SPATA22: variants seen among roughly 807,000 people sequenced by gnomAD.
SPATA22 encodes the protein spermatogenesis associated 22, also known as spermatogenesis-associated protein 22.
SPATA22 carries 29 observed loss-of-function variants against 47.8 expected under a neutral mutation model. The observed-to-expected ratio is 0.61, with a 90% CI of 0.45 to 0.83. SPATA22 has a LOEUF of 0.83. Among genes scored for constraint, SPATA22 ranks in the 40% least tolerant of loss-of-function variants. The pLI, the probability that SPATA22 is intolerant of heterozygous loss-of-function variation, is 0.00. For synonymous variants in SPATA22, 133 were observed against 140.9 expected (o/e 0.94, Z 0.40); for missense variants, 410 against 421.7 (o/e 0.97, Z 0.24).
intron 3 of SPATA22, among the ~76,000 whole-genome samples, chr17:3,464,214 G>A (rs1473154298): frequency 5.9e-5 from 9 of 151,968 alleles, no homozygotes; most frequent in South Asian, 4.2e-4. Flanking sequence ...GCTCCTAACC[G>A]CGAGTGATCC....
chr17:3,442,830 T>C (rs1355781121), intron 8 of SPATA22, among the ~76,000 whole-genome samples: 1 of 151,894 alleles, frequency 6.6e-6, no homozygotes, highest in Non-Finnish European at 1.5e-5. Flanking sequence ...ATCTGCCCCT[T>C]CCTTCTTACC....
At chr17:3,470,553 T>C (rs1555537353) in intron 1 of SPATA22, among the ~76,000 whole-genome samples, 1 of 150,492 alleles carries the variant, frequency 6.6e-6, no homozygotes, top group Non-Finnish European at 1.5e-5. Flanking sequence ...ATCAAGACCA[T>C]CCTGGCTAAC....
intron 4 of SPATA22, 27 bp from the exon 5 acceptor site, chr17:3,462,605 T>C: frequency 6.2e-7 from 1 of 1,600,482 alleles, no homozygotes. Context: ...TCTTGTTAAA[T>C]ATTAATAGTT....
intron 1 of SPATA22, among the ~76,000 whole-genome samples, chr17:3,484,827 T>C (rs918525453): frequency 2.0e-5 from 3 of 152,112 alleles, no homozygotes; most frequent in African/African-American, 7.2e-5. Context: ...AAAAGGAATA[T>C]CATATACAAG....
At chr17:3,499,167 C>T in intron 1 of SPATA22, 1 of 1,471,228 alleles carries the variant, frequency 6.8e-7, no homozygotes. Context: ...TAGGGTTGTG[C>T]CTTATTCAAC....
Position 3,471,797 on chromosome 17 carries a change from C to A in SPATA22, c.-189G>T, listed in dbSNP as rs2073444007. 2 of 985,448 alleles carry A rather than the reference C, an allele frequency of 2.0e-6. No homozygotes were observed. The highest frequency in any genetic ancestry group is 1.7e-5 in the African/African-American group (1 of 57,264). 61.0% of individuals were successfully genotyped at this position (985,448 alleles called of 1,614,324 possible). On this transcript the variant is annotated 5_prime_UTR_variant, in exon 1 of 9. Transcript: ENST00000572969. ...CCGTCAGCAACCGCCGCCCTTCCCG[C>A]CCGCGAAGAAAGCGCGGGAATCAGG...
intron 5 of SPATA22, among the ~76,000 whole-genome samples, chr17:3,458,855 CAAAAAAAAAAAA>C (rs545223532): frequency 2.6e-5 from 1 of 38,344 alleles, no homozygotes; most frequent in Non-Finnish European, 4.5e-5. Context: ...CGAAACTTCA[CAAAAAAAAAAAA>C]AAAAAAAAAA....
chr17:3,480,005 A>C (rs1320414529), intron 1 of SPATA22, among the ~76,000 whole-genome samples: 1 of 151,458 alleles, frequency 6.6e-6, no homozygotes, highest in African/African-American at 2.4e-5. Flanking sequence ...AAAAAAATAC[A>C]TATATCTGTA....
chr17:3,489,836 C>T (rs1311055318), intron 1 of SPATA22, among the ~76,000 whole-genome samples: 1 of 152,200 alleles, frequency 6.6e-6, no homozygotes, highest in Non-Finnish European at 1.5e-5. Context: ...ACACACCAAT[C>T]TTATTACCCA....
At position 3,470,093 on chromosome 17, in the gene SPATA22, C is replaced by CAAAA. The variant is rs57432043; in HGVS notation, c.-73-699_-73-696dup. On this transcript the variant is annotated intron_variant, in intron 1 of 8. Coordinates refer to ENST00000572969, the MANE Select transcript of SPATA22 (RefSeq NM_001170698.2). The stretch of plus-strand genomic sequence containing the variant: ...GGGCAACAAGACCCAGACTCCATCT[C>CAAAA]AAAAAAAAAAAAAAAAAAAAAAGAC... Among the ~76,000 whole-genome samples, 200 of 54,286 alleles carry CAAAA rather than the reference C, an allele frequency of 3.7e-3. 27 individuals are homozygous for CAAAA. Among genetic ancestry groups the CAAAA allele is most frequent in the East Asian group, 9.2e-3 (15 of 1,626 alleles). The allele number at this position is 54,286 out of a possible 152,430, so 35.6% of individuals were successfully genotyped here.
intron 1 of SPATA22, chr17:3,498,755 G>C (rs145748935): frequency 1.2e-6 from 1 of 827,700 alleles, no homozygotes; most frequent in Non-Finnish European, 1.8e-6. Context: ...TCACTTGCCT[G>C]CATCTCAATG....
chr17:3,497,828 T>A (rs1196031589), intron 1 of SPATA22, among the ~76,000 whole-genome samples: 1 of 152,178 alleles, frequency 6.6e-6, no homozygotes, highest in African/African-American at 2.4e-5. Context: ...ATGTTAGACA[T>A]GCAGAATCCC....
chr17:3,472,651 G>C (rs1463014438), upstream of SPATA22, among the ~76,000 whole-genome samples: 2 of 152,214 alleles, frequency 1.3e-5, no homozygotes, highest in Non-Finnish European at 2.9e-5. Flanking sequence ...CCAGGTAGTG[G>C]ATTCTAGAGC....
At chr17:3,475,923 T>C (rs915809784), upstream of SPATA22, 1 of 542,072 alleles carries the variant, frequency 1.8e-6, no homozygotes, top group African/African-American at 1.9e-5. Context: ...GTATCTCTAG[T>C]TGATCTTTGC....
chr17:3,489,406 C>T, intron 1 of SPATA22: 1 of 1,356,558 alleles, frequency 7.4e-7, no homozygotes, highest in Non-Finnish European at 1.1e-6. Context: ...ACAATTGGAA[C>T]CTGGGTCAGA....
chr17:3,483,696 T>C, intron 1 of SPATA22: 2 of 1,152,660 alleles, frequency 1.7e-6, no homozygotes, highest in Non-Finnish European at 2.5e-6. Flanking sequence ...AGAGTCTTGC[T>C]CTGTCACCCA....
intron 1 of SPATA22, chr17:3,502,723 C>T (rs1486290646): frequency 1.3e-5 from 2 of 152,292 alleles, no homozygotes; most frequent in Non-Finnish European, 2.9e-5. Context: ...GAACCTCCTT[C>T]AGACACCTCA....
At chr17:3,496,802 C>G (rs62071301) in intron 1 of SPATA22, among the ~76,000 whole-genome samples, 8 of 152,196 alleles carry the variant, frequency 5.3e-5, no homozygotes, top group South Asian at 2.1e-4. Context: ...AGCGGTGGCT[C>G]ACGCCTGTAA....
At chr17:3,470,808 T>G (rs1054981353) in intron 1 of SPATA22, among the ~76,000 whole-genome samples, 2 of 151,518 alleles carry the variant, frequency 1.3e-5, no homozygotes, top group African/African-American at 4.9e-5. Flanking sequence ...TGCCTCTGTT[T>G]TGTTTCCACA....
Sources: gnomAD v4.1 joint callset for allele counts (sites outside exome capture counted in the v4.1 genomes callset) on GRCh38, gnomAD v4.1.1 for gene constraint, MANE v1.5 for transcripts, NCBI Gene and HGNC (gene_info 2026-07-23, HGNC 2026-07-21) for gene names.